CXCL13: variants seen among roughly 807,000 people sequenced by gnomAD.
CXCL13 encodes C-X-C motif chemokine ligand 13, also known as C-X-C motif chemokine 13.
Under a neutral mutation model 12.2 loss-of-function variants are expected in CXCL13, and 7 were observed. The ratio of observed to expected loss-of-function variants is 0.57; its 90% CI spans 0.33 to 1.07. The LOEUF is 1.07. Ranked by LOEUF, CXCL13 falls within the 50% of genes least tolerant of loss-of-function variation. The pLI, the probability that CXCL13 is intolerant of heterozygous loss-of-function variation, is 0.04. For synonymous variants in CXCL13, 47 were observed against 42.4 expected (o/e 1.11, Z -0.42); for missense variants, 113 against 127.4 (o/e 0.89, Z 0.55).
rs540499919 is a variant in CXCL13 at position 77,575,375 on chromosome 4, C to A, written c.-42-30449C>A. On this transcript the variant is annotated intron_variant, in intron 1 of 4. Coordinates refer to the CXCL13 transcript ENST00000286758. Reference sequence around the variant, plus strand: ...CAGGTTTGCTACATAGGTATCTATCCCATGTTGATTTGCTGCACCCATCAA... The same window carrying A: ...CAGGTTTGCTACATAGGTATCTATCACATGTTGATTTGCTGCACCCATCAA... Among the ~76,000 whole-genome samples the A allele has an allele frequency of 1.5e-3, 226 of 151,794 alleles. 12 individuals are homozygous for A. In the South Asian group the frequency reaches 0.044, roughly 30 times the overall value.
chr4:77,577,485 G>T lies in CXCL13; in HGVS notation c.-42-28339G>T, dbSNP rs1341625022. Among the ~76,000 whole-genome samples the T allele has an allele frequency of 2.6e-5, 4 of 152,294 alleles. No homozygotes were observed. The East Asian group carries it at 7.7e-4, about 29-fold the overall frequency. ...AAGTTAAAAGGCACAGTGCAGGTGAGTGTGACTAATTCCTGCCAATTAAGC... is the reference window on the plus strand; with the variant it reads ...AAGTTAAAAGGCACAGTGCAGGTGATTGTGACTAATTCCTGCCAATTAAGC... On this transcript the variant is annotated intron_variant, in intron 1 of 4. Coordinates refer to the CXCL13 transcript ENST00000286758.
In CXCL13 at chr4:77,552,465, C is replaced by G. The variant is rs116128849; in HGVS notation, c.-43+40677C>G. Among the ~76,000 whole-genome samples the G allele has an allele frequency of 2.8e-3, 423 of 152,328 alleles. 4 individuals are homozygous for G. The highest frequency in any genetic ancestry group is 9.8e-3 in the African/African-American group (407 of 41,574). ...GGGTAAGAGCCAGCTGTGGCCAGTA[C>G]AGCTGGGTATATGTGTGATCCTTGT... is the stretch of plus-strand genomic sequence containing the variant. On this transcript the variant is annotated intron_variant, in intron 1 of 4. Transcript: ENST00000286758.
chr4:77,579,962 G>A (rs996325673), intron 1 of CXCL13, among the ~76,000 whole-genome samples: 1 of 152,090 alleles, frequency 6.6e-6, no homozygotes, highest in African/African-American at 2.4e-5. Flanking sequence ...CCTAACCACA[G>A]GCCAGGCATA....
chr4:77,587,517 T>C (rs764968915), intron 1 of CXCL13, among the ~76,000 whole-genome samples: 1 of 152,196 alleles, frequency 6.6e-6, no homozygotes, highest in Non-Finnish European at 1.5e-5. Flanking sequence ...TGGTGGCTCA[T>C]AGGAGGGAGA....
upstream of CXCL13, among the ~76,000 whole-genome samples, chr4:77,603,058 C>T (rs1039424609): frequency 2.0e-5 from 3 of 152,108 alleles, no homozygotes; most frequent in African/African-American, 4.8e-5. Context: ...CCTGGTGGTC[C>T]TATTTTTAAT....
At chr4:77,598,355 C>A (rs72861963) in intron 1 of CXCL13, among the ~76,000 whole-genome samples, 5,290 of 152,222 alleles carry the variant, frequency 0.035, 285 homozygotes, top group African/African-American at 0.12. Context: ...CTGGATAGTG[C>A]CTGTCGTCTT....
Position 77,611,122 on chromosome 4 carries a change from C to T in CXCL13, c.*83C>T. On this transcript the variant is annotated 3_prime_UTR_variant, in exon 4 of 4. Coordinates refer to ENST00000682537, the MANE Select transcript of CXCL13 (RefSeq NM_001371558.1). ...AGTTTTGTGCTTAGTTAAATCTTTTCCAGGAAAAAGAACTTCCCCATACAA... is the reference window on the plus strand; with the variant it reads ...AGTTTTGTGCTTAGTTAAATCTTTTTCAGGAAAAAGAACTTCCCCATACAA... The T allele has an allele frequency of 8.3e-7, 1 of 1,200,920 alleles. No individual in the cohort carries two copies. Among genetic ancestry groups the T allele is most frequent in the South Asian group, 1.3e-5 (1 of 75,022 alleles). The allele number at this position is 1,200,920 out of a possible 1,614,324, so 74.4% of individuals were successfully genotyped here.
chr4:77,543,767 C>A (rs1189138026), intron 1 of CXCL13, among the ~76,000 whole-genome samples: 1 of 151,862 alleles, frequency 6.6e-6, no homozygotes. Flanking sequence ...AATTATTATA[C>A]TTTAATTTCT....
At chr4:77,580,120 A>G (rs1236286670) in intron 1 of CXCL13, among the ~76,000 whole-genome samples, 2 of 152,082 alleles carry the variant, frequency 1.3e-5, no homozygotes, top group African/African-American at 4.8e-5. Flanking sequence ...AAGGGGATGA[A>G]TGGTGAGAAA....
chr4:77,515,581 A>C (rs1044979143), intron 1 of CXCL13, among the ~76,000 whole-genome samples: 1 of 152,108 alleles, frequency 6.6e-6, no homozygotes, highest in East Asian at 1.9e-4. Flanking sequence ...TGTGAATGGG[A>C]GTTCACTCAT....
At chr4:77,598,185 G>A (rs1307425157) in intron 1 of CXCL13, among the ~76,000 whole-genome samples, 1 of 152,226 alleles carries the variant, frequency 6.6e-6, no homozygotes, top group Non-Finnish European at 1.5e-5. Context: ...CAGCAACAAG[G>A]GGCTGTGGAA....
intron 1 of CXCL13, among the ~76,000 whole-genome samples, chr4:77,568,382 C>G (rs1248107024): frequency 1.3e-5 from 2 of 152,142 alleles, no homozygotes; most frequent in South Asian, 4.1e-4. Flanking sequence ...TCTTTATAAC[C>G]CCCTTTGTCA....
At chr4:77,594,834 AG>A (rs2109832771) in intron 1 of CXCL13, among the ~76,000 whole-genome samples, 1 of 152,336 alleles carries the variant, frequency 6.6e-6, no homozygotes, top group South Asian at 2.1e-4. Flanking sequence ...ATGGGTTGAT[AG>A]GGGCAGCAAA....
chr4:77,552,881 A>AG (rs1428623276), intron 1 of CXCL13, among the ~76,000 whole-genome samples: 2 of 152,216 alleles, frequency 1.3e-5, no homozygotes, highest in African/African-American at 4.8e-5. Context: ...GAGGTGGCTG[A>AG]GGCTGTTGAT....
intron 1 of CXCL13, among the ~76,000 whole-genome samples, chr4:77,576,355 C>T (rs1261666121): frequency 6.6e-6 from 1 of 152,188 alleles, no homozygotes; most frequent in Non-Finnish European, 1.5e-5. Context: ...GTAAGTTATA[C>T]TCCTGTGACC....
chr4:77,571,698 T>A (rs537574871), intron 1 of CXCL13, among the ~76,000 whole-genome samples: 2 of 151,812 alleles, frequency 1.3e-5, no homozygotes, highest in South Asian at 4.2e-4. Context: ...TGGGGCCAGA[T>A]AAGAGAATAA....
At chr4:77,521,981 C>G (rs934091934) in intron 1 of CXCL13, among the ~76,000 whole-genome samples, 2 of 152,158 alleles carry the variant, frequency 1.3e-5, no homozygotes, top group Admixed American at 1.3e-4. Flanking sequence ...AGTAGTCATT[C>G]AGGAACAGGT....
At chr4:77,530,464 G>T (rs977546153) in intron 1 of CXCL13, among the ~76,000 whole-genome samples, 1 of 152,180 alleles carries the variant, frequency 6.6e-6, no homozygotes, top group Middle Eastern at 3.4e-3. Context: ...GCCTGTTATT[G>T]TCTATTCAGA....
intron 1 of CXCL13, among the ~76,000 whole-genome samples, chr4:77,555,061 A>G (rs1725629985): frequency 6.6e-6 from 1 of 151,930 alleles, no homozygotes; most frequent in East Asian, 1.9e-4. Flanking sequence ...GTAAGTAAGT[A>G]GAAGGTAAGA....
Sources: allele counts gnomAD v4.1 joint callset (sites outside exome capture counted in the v4.1 genomes callset), GRCh38; gene constraint gnomAD v4.1.1; transcripts MANE v1.5; gene names NCBI Gene and HGNC (gene_info 2026-07-23, HGNC 2026-07-21).